NWD2: variants seen among roughly 807,000 people sequenced by gnomAD.
NWD2 encodes the protein NACHT and WD repeat domain containing 2, also known as NACHT and WD repeat domain-containing protein 2.
In NWD2, 37 loss-of-function variants were observed where a neutral mutation model predicts 132.7. The ratio of observed to expected loss-of-function variants is 0.28; its 90% CI spans 0.21 to 0.37. The LOEUF is 0.37. Ranked by LOEUF, NWD2 falls within the 10% of genes least tolerant of loss-of-function variation. NWD2 has a pLI of 1.00. For synonymous variants in NWD2, 705 were observed against 803.0 expected, an observed-to-expected ratio of 0.88 and a Z score of 2.06; for missense variants, 1,592 against 2,122.4, an observed-to-expected ratio of 0.75 and a Z score of 4.91.
Position 37,303,069 on chromosome 4 carries a change from G to GTAGTTTTA in NWD2, c.152-22860_152-22853dup, listed in dbSNP as rs1718639009. Among the ~76,000 whole-genome samples the GTAGTTTTA allele has an allele frequency of 5.9e-5, 9 of 152,192 alleles. No individual in the cohort carries two copies. In the South Asian group the frequency reaches 1.9e-3, roughly 32 times the overall value. ...AGTATTTCCCTTTTGTTTTCTTCTA[G>GTAGTTTTA]TAGTTTTATAGTTTCAGGTCTTACA... On this transcript the variant is annotated intron_variant, in intron 1 of 6. Transcript: ENST00000309447.
At chr4:37,314,256 T>G (rs1560392478) in intron 1 of NWD2, among the ~76,000 whole-genome samples, 1 of 152,218 alleles carries the variant, frequency 6.6e-6, no homozygotes, top group Non-Finnish European at 1.5e-5. Flanking sequence ...GTTTTTGTTT[T>G]GTGTTTTTTT....
chr4:37,325,471 T>A (rs6845641), intron 1 of NWD2, among the ~76,000 whole-genome samples: 5,180 of 152,244 alleles, frequency 0.034, 301 homozygotes, highest in African/African-American at 0.12. Flanking sequence ...TATATCTGAA[T>A]AGGTAGCAAT....
chr4:37,303,541 A>G (rs1391124021), intron 1 of NWD2, among the ~76,000 whole-genome samples: 2 of 152,126 alleles, frequency 1.3e-5, no homozygotes, highest in African/African-American at 4.8e-5. Context: ...TAGATTAGGT[A>G]GTATAGTAAT....
At chr4:37,403,263 T>A (rs997512386) in intron 3 of NWD2, among the ~76,000 whole-genome samples, 1 of 152,136 alleles carries the variant, frequency 6.6e-6, no homozygotes, top group Non-Finnish European at 1.5e-5. Context: ...AAAAGAAACA[T>A]GATAAACAAG....
At position 37,270,227 on chromosome 4, in the gene NWD2, A is replaced by G. The variant is rs1717839813; in HGVS notation, c.151+25009A>G. Among the ~76,000 whole-genome samples, 4 of 151,832 alleles carry G rather than the reference A, an allele frequency of 2.6e-5. No individual in the cohort carries two copies. The South Asian group carries it at 8.3e-4, about 31-fold the overall frequency. On this transcript the variant is annotated intron_variant, in intron 1 of 6. Transcript: ENST00000309447. ...CTTGAATAAGGTTAACCATGCTCATATCAGGAATAGTTATTAGCGTAATTC... is the reference window on the plus strand; with the variant it reads ...CTTGAATAAGGTTAACCATGCTCATGTCAGGAATAGTTATTAGCGTAATTC...
In NWD2 at chr4:37,417,657, T is replaced by C. The variant is rs146952564; in HGVS notation, c.358-12915T>C. Among the ~76,000 whole-genome samples, 1,207 of 152,280 alleles carry C rather than the reference T, an allele frequency of 7.9e-3. 21 individuals carry two copies. Among genetic ancestry groups the C allele is most frequent in the African/African-American group, 0.028 (1,155 of 41,546 alleles). The stretch of plus-strand genomic sequence containing the variant: ...ACTGTAAATAAATACAGTGCTTTTG[T>C]TGATTAAATCATTTCCCACAAGGAG... On this transcript the variant is annotated intron_variant, in intron 3 of 6. Coordinates refer to ENST00000309447, the MANE Select transcript of NWD2 (RefSeq NM_001144990.2).
At chr4:37,286,212 G>C (rs1304914911) in intron 1 of NWD2, among the ~76,000 whole-genome samples, 1 of 152,144 alleles carries the variant, frequency 6.6e-6, no homozygotes, top group Non-Finnish European at 1.5e-5. Context: ...GTTTTAACTA[G>C]GATCAGCTTT....
chr4:37,317,579 G>C (rs1259295279), intron 1 of NWD2, among the ~76,000 whole-genome samples: 5 of 152,156 alleles, frequency 3.3e-5, no homozygotes, highest in African/African-American at 1.2e-4. Flanking sequence ...GTAGGGATAG[G>C]AGAAGGCAAG....
At chr4:37,308,425 G>A (rs1718756740) in intron 1 of NWD2, among the ~76,000 whole-genome samples, 2 of 152,168 alleles carry the variant, frequency 1.3e-5, no homozygotes, top group Admixed American at 1.3e-4. Flanking sequence ...AGGCAGCTTT[G>A]CTGAGAGGCC....
chr4:37,374,445 G>A (rs570449388), intron 3 of NWD2, among the ~76,000 whole-genome samples: 3 of 152,298 alleles, frequency 2.0e-5, no homozygotes, highest in South Asian at 4.1e-4. Context: ...GGATTGCAGG[G>A]AAGACAAAGA....
At chr4:37,281,578 C>T (rs550923730) in intron 1 of NWD2, among the ~76,000 whole-genome samples, 1 of 152,096 alleles carries the variant, frequency 6.6e-6, no homozygotes, top group Non-Finnish European at 1.5e-5. Flanking sequence ...TGTGTTAAAT[C>T]GTTCTTTCTC....
rs375358436 is a variant in NWD2, at chr4:37,443,423, C to A, written c.1435C>A (p.Arg479=). The A allele has an allele frequency of 1.9e-6, 3 of 1,552,062 alleles. No homozygotes were observed. The highest frequency in any genetic ancestry group is 2.7e-5 in the African/African-American group (2 of 73,002). ...SVCEQLAVNY[R]CLVQSYPKKI... is the part of the protein sequence containing the mutation. Reference sequence around the variant, plus strand: ...TTGTGAACAATTGGCAGTTAACTACCGGTGTCTGGTTCAAAGCTACCCTAA... The same window carrying A: ...TTGTGAACAATTGGCAGTTAACTACAGGTGTCTGGTTCAAAGCTACCCTAA... Residue 479 remains arginine (R), a synonymous_variant, in exon 7 of 7, where the codon CGG becomes AGG. Transcript: ENST00000309447. The surrounding 1 kb of genome is among the most constrained non-coding windows in gnomAD (Gnocchi z 4.1).
Position 37,387,640 on chromosome 4 carries a change from C to A in NWD2, c.357+31158C>A, listed in dbSNP as rs147625261. ...TCATCCCCGCAGCCTGCTCTCCACCCAGCAGCCAGAGTAACCACTTTGAAA... is the reference window on the plus strand; with the variant it reads ...TCATCCCCGCAGCCTGCTCTCCACCAAGCAGCCAGAGTAACCACTTTGAAA... On this transcript the variant is annotated intron_variant, in intron 3 of 6. Transcript: ENST00000309447. 4.4e-3 allele frequency among the ~76,000 whole-genome samples: 663 copies of A among 151,758 alleles called. 4 individuals are homozygous for A. The highest frequency in any genetic ancestry group is 0.015 in the African/African-American group (625 of 41,286).
chr4:37,317,927 GT>G (rs1175120074), intron 1 of NWD2, among the ~76,000 whole-genome samples: 12 of 150,446 alleles, frequency 8.0e-5, no homozygotes, highest in African/African-American at 2.4e-4. Flanking sequence ...TTTAGTTAAT[GT>G]TTTCATTATG....
chr4:37,251,294 G>C (rs1717354823), intron 1 of NWD2, among the ~76,000 whole-genome samples: 1 of 152,068 alleles, frequency 6.6e-6, no homozygotes, highest in African/African-American at 2.4e-5. Flanking sequence ...ACATCATAAA[G>C]GTACTGTAAA....
At chr4:37,256,814 G>T (rs746512517) in intron 1 of NWD2, among the ~76,000 whole-genome samples, 26 of 152,150 alleles carry the variant, frequency 1.7e-4, no homozygotes, top group Non-Finnish European at 3.2e-4. Flanking sequence ...CCCAAAAAAG[G>T]ATAAGAGCAT....
At chr4:37,423,446 A>G (rs1216330678) in intron 3 of NWD2, among the ~76,000 whole-genome samples, 3 of 152,190 alleles carry the variant, frequency 2.0e-5, no homozygotes, top group Non-Finnish European at 4.4e-5. Context: ...ATGATCTGCC[A>G]TCTGCGGGCT....
At chr4:37,351,222 T>C (rs1336545958) in intron 2 of NWD2, among the ~76,000 whole-genome samples, 2 of 152,250 alleles carry the variant, frequency 1.3e-5, no homozygotes, top group African/African-American at 4.8e-5. Context: ...ATTCCCTCTT[T>C]TTCTATTGTT....
intron 3 of NWD2, among the ~76,000 whole-genome samples, chr4:37,384,330 C>T (rs550007869): frequency 2.2e-4 from 34 of 152,290 alleles, no homozygotes; most frequent in Non-Finnish European, 3.5e-4. Context: ...TTCTTCAAAG[C>T]GTTTGCGTTC....
Sources: allele counts gnomAD v4.1 joint callset (sites outside exome capture counted in the v4.1 genomes callset), GRCh38; gene constraint gnomAD v4.1.1; non-coding constraint Gnocchi (gnomAD v3.1); transcripts MANE v1.5; gene names NCBI Gene and HGNC (gene_info 2026-07-23, HGNC 2026-07-21).